CDH7: variants seen among roughly 807,000 people sequenced by gnomAD.
CDH7 encodes cadherin-7.
Under a neutral mutation model 71.8 loss-of-function variants are expected in CDH7, and 25 were observed. The ratio of observed to expected loss-of-function variants is 0.35; its 90% CI spans 0.25 to 0.49. The LOEUF (loss-of-function observed/expected upper bound fraction) is 0.49, where lower values mean the gene tolerates loss of function less well. Among genes scored for constraint, CDH7 ranks in the 20% least tolerant of loss-of-function variants. CDH7 has a pLI of 0.99. For missense variants in CDH7, 862 were observed against 974.6 expected, an observed-to-expected ratio of 0.88 and a Z score of 1.54; for synonymous variants, 381 against 363.8, an observed-to-expected ratio of 1.05 and a Z score of -0.54.
chr18:65,852,926 T>G (rs992061890), intron 7 of CDH7, among the ~76,000 whole-genome samples: 1 of 152,146 alleles, frequency 6.6e-6, no homozygotes, highest in Non-Finnish European at 1.5e-5. Flanking sequence ...GGGAAAAGGT[T>G]GATGAATTTG....
At position 65,823,263 on chromosome 18, in the gene CDH7, C is replaced by T. The variant is rs143733652; in HGVS notation, c.793+1015C>T. ...TATAAAAAAGTGACCCCAGGTTTAG[C>T]ATTATTTTCTTTCAATAAGCCTATT... On this transcript the variant is annotated intron_variant, in intron 5 of 11. Coordinates refer to ENST00000397968, the MANE Select transcript of CDH7 (RefSeq NM_004361.5). Among the ~76,000 whole-genome samples, 190 of 151,874 alleles carry T rather than the reference C, an allele frequency of 1.3e-3. 1 individual carries two copies. The highest frequency in any genetic ancestry group is 3.9e-3 in the African/African-American group (160 of 41,474).
At chr18:65,830,854 C>G (rs895600507) in intron 6 of CDH7, among the ~76,000 whole-genome samples, 8 of 150,542 alleles carry the variant, frequency 5.3e-5, no homozygotes, top group Non-Finnish European at 1.2e-4. Context: ...GTTTATTTTC[C>G]CTTTGACATT....
In CDH7 at chr18:65,884,073, G is replaced by A. The variant is rs558114875; in HGVS notation, c.*3179G>A. The A allele has an allele frequency of 6.6e-6, 1 of 152,158 alleles. No individual in the cohort carries two copies. The highest frequency in any genetic ancestry group is 1.9e-4 in the East Asian group (1 of 5,174). The allele number at this position is 152,158 out of a possible 1,614,324, so 9.4% of individuals were successfully genotyped here. ...AACAGTTTAATTTATTGAAAAATCA[G>A]ATGCATTTTACTTCTTACTGTCTAT... On this transcript the variant is annotated 3_prime_UTR_variant, in exon 12 of 12. Coordinates refer to ENST00000397968, the MANE Select transcript of CDH7 (RefSeq NM_004361.5).
intron 11 of CDH7, chr18:65,865,451 T>A (rs1913725085): frequency 6.6e-6 from 1 of 152,060 alleles, no homozygotes; most frequent in African/African-American, 2.4e-5. Context: ...AAGGATCAAT[T>A]TTTTTGTGCC....
chr18:65,862,869 A>G lies in CDH7; in HGVS notation c.1816A>G (p.Ser606Gly). 6.2e-7 allele frequency: 1 copy of G among 1,614,192 alleles called. No homozygotes were observed. The highest frequency in any genetic ancestry group is 8.5e-7 in the Non-Finnish European group (1 of 1,180,004). Residue 606 changes from serine (S) to glycine (G), a missense_variant, in exon 11 of 12, where the codon AGT becomes GGT. Physicochemically the swap from Ser to Gly is moderately conservative, Grantham distance 56. Transcript: ENST00000397968. ...GGCCTATGTCCTACCTGCTGGCCTC[A>G]GTACAGGAGCCCTGATAGCCATACT... ...AEAYVLPAGLSTGALIAILAC... is the reference protein window; with the variant it reads ...AEAYVLPAGLGTGALIAILAC...
chr18:65,785,959 T>C (rs1222912136), intron 2 of CDH7, among the ~76,000 whole-genome samples: 3 of 152,186 alleles, frequency 2.0e-5, no homozygotes, highest in Non-Finnish European at 2.9e-5. Flanking sequence ...ACATTATAAA[T>C]ACATGTGGTG....
chr18:65,835,632 G>C (rs532738520), intron 6 of CDH7, among the ~76,000 whole-genome samples: 2 of 152,330 alleles, frequency 1.3e-5, no homozygotes, highest in South Asian at 4.1e-4. Context: ...TACAGCTATA[G>C]TGCATGCTGG....
At chr18:65,846,164 G>A (rs990975248) in intron 7 of CDH7, among the ~76,000 whole-genome samples, 2 of 152,052 alleles carry the variant, frequency 1.3e-5, no homozygotes, top group Non-Finnish European at 2.9e-5. Flanking sequence ...CCAAATGGGA[G>A]GTGACTTGAG....
At position 65,887,112 on chromosome 18, in the gene CDH7, T is replaced by G. The variant is rs1474091836; in HGVS notation, c.*6218T>G. The stretch of plus-strand genomic sequence containing the variant: ...ATTTTATTAATGAATATAATGATGT[T>G]AATGGTTTATATAAGCAGGAAAAAC... On this transcript the variant is annotated 3_prime_UTR_variant, in exon 12 of 12. Coordinates refer to ENST00000397968, the MANE Select transcript of CDH7 (RefSeq NM_004361.5). 1 of 152,130 alleles carries G rather than the reference T, an allele frequency of 6.6e-6. No homozygotes were observed. Among genetic ancestry groups the G allele is most frequent in the Non-Finnish European group, 1.5e-5 (1 of 68,010 alleles). The allele number at this position is 152,130 out of a possible 1,614,324, so 9.4% of individuals were successfully genotyped here.
intron 7 of CDH7, among the ~76,000 whole-genome samples, chr18:65,844,942 C>G (rs7244885): frequency 0.89 from 134,799 of 151,982 alleles, 62,053 homozygotes; most frequent in East Asian, 1. Context: ...ATTGTTTTAT[C>G]TTCAGATATG....
chr18:65,849,415 TTTTCTTTTCTTTC>T (rs1913065581), intron 7 of CDH7, among the ~76,000 whole-genome samples: 6 of 127,986 alleles, frequency 4.7e-5, no homozygotes, highest in Non-Finnish European at 1.0e-4. Flanking sequence ...TTTTCTTTTC[TTTTCTTTTCTTTC>T]TTTTCTTTCC....
chr18:65,820,264 C>T (rs1296608828), intron 4 of CDH7, among the ~76,000 whole-genome samples: 3 of 150,414 alleles, frequency 2.0e-5, no homozygotes, highest in Non-Finnish European at 4.4e-5. Flanking sequence ...TTCAAAGAGC[C>T]CATAGATAGA....
Position 65,781,750 on chromosome 18 carries a change from A to ATTTCTTTCTTTCTTTCTTTC in CDH7, c.210+18699_210+18718dup, listed in dbSNP as rs879796330. The stretch of plus-strand genomic sequence containing the variant: ...ACCTTTCTAGCTACCCTATTGGTTG[A>ATTTCTTTCTTTCTTTCTTTC]TTTCTTTCTTTCTTTCTTTCCTTCC... On this transcript the variant is annotated intron_variant, in intron 2 of 11. Coordinates refer to ENST00000397968, the MANE Select transcript of CDH7 (RefSeq NM_004361.5). Among the ~76,000 whole-genome samples the ATTTCTTTCTTTCTTTCTTTC allele has an allele frequency of 6.4e-5, 5 of 78,520 alleles. 1 individual carries two copies. The highest frequency in any genetic ancestry group is 2.7e-4 in the African/African-American group (5 of 18,492). 51.5% of individuals were successfully genotyped at this position (78,520 alleles called of 152,430 possible). A position where few individuals can be genotyped will look rare whatever the true frequency, so the allele number is the denominator to read the frequency against.
intron 6 of CDH7, among the ~76,000 whole-genome samples, chr18:65,841,912 A>T (rs374579215): frequency 8.5e-5 from 13 of 152,306 alleles, no homozygotes; most frequent in South Asian, 8.3e-4. Flanking sequence ...TGTTAGCCTC[A>T]TAAAAATATT....
chr18:65,862,303 C>A (rs1049612322), intron 10 of CDH7, among the ~76,000 whole-genome samples: 2 of 152,026 alleles, frequency 1.3e-5, no homozygotes, highest in African/African-American at 4.8e-5. Flanking sequence ...AAATATTTAA[C>A]CTGTTAATAT....
At chr18:65,778,271 CAAAAAAAA>C (rs148841669) in intron 2 of CDH7, among the ~76,000 whole-genome samples, 2 of 84,332 alleles carry the variant, frequency 2.4e-5, no homozygotes, top group Non-Finnish European at 5.5e-5. Flanking sequence ...GACTCTGTCT[CAAAAAAAA>C]AAAAAAAAAA....
At chr18:65,754,649 G>T (rs1467842246) in intron 1 of CDH7, among the ~76,000 whole-genome samples, 1 of 152,118 alleles carries the variant, frequency 6.6e-6, no homozygotes, top group Non-Finnish European at 1.5e-5. Flanking sequence ...GCGAATATCA[G>T]CAGCAAGCAG....
chr18:65,794,785 G>C (rs1052466942), intron 2 of CDH7, among the ~76,000 whole-genome samples: 3 of 151,924 alleles, frequency 2.0e-5, no homozygotes, highest in Admixed American at 6.6e-5. Context: ...TTCGTTGTTG[G>C]GGAGACCTGC....
chr18:65,782,009 T>G (rs1307647873), intron 2 of CDH7, among the ~76,000 whole-genome samples: 1 of 73,532 alleles, frequency 1.4e-5, no homozygotes, highest in Non-Finnish European at 2.3e-5. Flanking sequence ...TCTCTTTCTC[T>G]CTTTCTCTCT....
Sources: gnomAD v4.1 joint callset for allele counts (sites outside exome capture counted in the v4.1 genomes callset) on GRCh38, gnomAD v4.1.1 for gene constraint, MANE v1.5 for transcripts, NCBI Gene and HGNC (gene_info 2026-07-23, HGNC 2026-07-21) for gene names.